Variants in MTMR3 observed in about 807,000 individuals in gnomAD.
MTMR3 encodes the protein myotubularin related protein 3.
MTMR3 carries 32 observed loss-of-function variants against 132.4 expected under a neutral mutation model. The ratio of observed to expected loss-of-function variants is 0.24; its 90% CI spans 0.18 to 0.32. The LOEUF is 0.32. Ranked by LOEUF, MTMR3 falls within the 10% of genes least tolerant of loss-of-function variation. MTMR3 has a pLI of 1.00. For missense variants in MTMR3, 1,216 were observed against 1,489.6 expected (o/e 0.82, Z 3.02); for synonymous variants, 556 against 550.3 (o/e 1.01, Z -0.14).
At chr22:29,982,196 G>T (rs112486725) in intron 5 of MTMR3, 1 of 125,164 alleles carries the variant, frequency 8.0e-6, no homozygotes, top group African/African-American at 3.1e-5. Context: ...GTGACAGAGC[G>T]AGACTCTGTC....
At chr22:29,947,550 AAAATGATGGTGTAAGAATTTTTT>A (rs2065977399) in intron 1 of MTMR3, among the ~76,000 whole-genome samples, 1 of 151,700 alleles carries the variant, frequency 6.6e-6, no homozygotes. Flanking sequence ...TGAGTTAAGT[AAAATGATGGTGTAAGAATTTTTT>A]AAATTCAAGG....
intron 1 of MTMR3, among the ~76,000 whole-genome samples, chr22:29,896,869 T>TCTCACA (rs145703649): frequency 0.08 from 11,041 of 138,162 alleles, 566 homozygotes; most frequent in Non-Finnish European, 0.12. Flanking sequence ...CAGGCTTGTC[T>TCTCACA]CACACACACA....
intron 1 of MTMR3, among the ~76,000 whole-genome samples, chr22:29,921,602 A>G (rs1404851934): frequency 2.6e-5 from 4 of 152,170 alleles, no homozygotes; most frequent in African/African-American, 9.7e-5. Flanking sequence ...TTTGTTGTGC[A>G]TTGGTTACCA....
At chr22:29,912,054 G>A (rs1174367382) in intron 1 of MTMR3, among the ~76,000 whole-genome samples, 1 of 152,106 alleles carries the variant, frequency 6.6e-6, no homozygotes, top group Non-Finnish European at 1.5e-5. Flanking sequence ...TCAGACAAGA[G>A]GAAATGAAGA....
chr22:29,939,780 C>A lies in MTMR3; in HGVS notation c.-137-17256C>A, dbSNP rs571319728. On this transcript the variant is annotated intron_variant, in intron 1 of 19. Transcript: ENST00000401950. ...ATAACTGTTAGTAATAAGAGTAGGA[C>A]TGTCAGGCCACTCTGCCCAGGCTAA... Among the ~76,000 whole-genome samples the A allele has an allele frequency of 5.9e-5, 9 of 152,218 alleles. No homozygotes were observed. The East Asian group carries it at 1.7e-3, about 29-fold the overall frequency.
chr22:29,945,717 A>G (rs2065939820), intron 1 of MTMR3, among the ~76,000 whole-genome samples: 1 of 120,802 alleles, frequency 8.3e-6, no homozygotes, highest in African/African-American at 3.4e-5. Context: ...AAAATGAAAA[A>G]GAAAAAAAAA....
chr22:29,903,390 C>CTTTTTTTTTTTTTTTT, intron 1 of MTMR3, among the ~76,000 whole-genome samples: 1 of 119,708 alleles, frequency 8.4e-6, no homozygotes. Context: ...CTTTTTCTTT[C>CTTTTTTTTTTTTTTTT]TTTTTTTTTT....
chr22:30,023,660 G>T, intron 19 of MTMR3: 3 of 716,184 alleles, frequency 4.2e-6, no homozygotes, highest in South Asian at 1.7e-5. Flanking sequence ...GCCATCGAGG[G>T]TGGGTCAGGC....
chr22:29,896,092 T>G (rs1221716183), intron 1 of MTMR3, among the ~76,000 whole-genome samples: 1 of 152,132 alleles, frequency 6.6e-6, no homozygotes, highest in Admixed American at 6.6e-5. Flanking sequence ...GGCAGATCAC[T>G]TGAGGCCAGG....
intron 1 of MTMR3, among the ~76,000 whole-genome samples, chr22:29,943,871 T>A (rs989199439): frequency 2.0e-5 from 3 of 148,298 alleles, no homozygotes; most frequent in Non-Finnish European, 4.5e-5. Context: ...TTGCCCAGGC[T>A]GGAGTGTAGT....
chr22:29,998,082 G>A (rs928860879), intron 7 of MTMR3: 1 of 152,182 alleles, frequency 6.6e-6, no homozygotes, highest in Non-Finnish European at 1.5e-5. Context: ...CAGTCTGAGT[G>A]TGGAAGTAGG....
At position 30,029,247 on chromosome 22, in the gene MTMR3, C is replaced by G. The variant is rs2067969683; in HGVS notation, c.*3446C>G. ...TTGAGCTGCCAGGTTGTCTTCATCTCAGAACTTTCCTATCCTGGCACTCTC... is the reference window on the plus strand; with the variant it reads ...TTGAGCTGCCAGGTTGTCTTCATCTGAGAACTTTCCTATCCTGGCACTCTC... On this transcript the variant is annotated 3_prime_UTR_variant, in exon 20 of 20. Transcript: ENST00000401950. 6.6e-6 allele frequency: 1 copy of G among 152,350 alleles called. No individual in the cohort carries two copies. The highest frequency in any genetic ancestry group is 2.4e-5 in the African/African-American group (1 of 41,452). 9.4% of individuals were successfully genotyped at this position (152,350 alleles called of 1,614,324 possible). A position where few individuals can be genotyped will look rare whatever the true frequency, so the allele number is the denominator to read the frequency against.
chr22:29,923,041 ATTTTT>A (rs36099310), intron 1 of MTMR3, among the ~76,000 whole-genome samples: 5 of 129,960 alleles, frequency 3.8e-5, no homozygotes, highest in African/African-American at 1.2e-4. Flanking sequence ...CATCCAGCCA[ATTTTT>A]TTTTTTTTTT....
At chr22:29,978,380 GA>G in intron 3 of MTMR3, 61 bp from the exon 4 acceptor site, 1 of 1,415,370 alleles carries the variant, frequency 7.1e-7, no homozygotes, top group Non-Finnish European at 9.8e-7. Context: ...AGATATGGCA[GA>G]AAAACCAAAT....
At position 30,029,977 on chromosome 22, in the gene MTMR3, C is replaced by T. The variant is rs1164245246; in HGVS notation, c.*4176C>T. ...AGCCTCTGACACTTAAACACGAGTCCTGCTGTCCCCAGCACACAACTGCAC... is the reference window on the plus strand; with the variant it reads ...AGCCTCTGACACTTAAACACGAGTCTTGCTGTCCCCAGCACACAACTGCAC... On this transcript the variant is annotated 3_prime_UTR_variant, in exon 20 of 20. Transcript: ENST00000401950. 2.0e-5 allele frequency: 3 copies of T among 152,280 alleles called. No individual in the cohort carries two copies. Among genetic ancestry groups the T allele is most frequent in the Non-Finnish European group, 4.4e-5 (3 of 68,030 alleles). 9.4% of individuals were successfully genotyped at this position (152,280 alleles called of 1,614,324 possible). A position where few individuals can be genotyped will look rare whatever the true frequency, so the allele number is the denominator to read the frequency against.
chr22:29,929,657 G>A (rs530646049), intron 1 of MTMR3, among the ~76,000 whole-genome samples: 2 of 151,798 alleles, frequency 1.3e-5, no homozygotes, highest in African/African-American at 4.8e-5. Flanking sequence ...CTACAGTTGC[G>A]TGCCACCATG....
chr22:29,884,687 C>T (rs1040585384), intron 1 of MTMR3, among the ~76,000 whole-genome samples: 2 of 151,076 alleles, frequency 1.3e-5, no homozygotes, highest in African/African-American at 4.9e-5. Flanking sequence ...CTCAGCCTCC[C>T]AAGTAGCTGG....
chr22:29,899,556 T>G (rs890187724), intron 1 of MTMR3: 3 of 152,210 alleles, frequency 2.0e-5, no homozygotes, highest in African/African-American at 7.2e-5. Context: ...TCATTGTTTT[T>G]GGATATTAAA....
intron 2 of MTMR3, among the ~76,000 whole-genome samples, chr22:29,957,892 A>G (rs2066231474): frequency 6.6e-6 from 1 of 152,080 alleles, no homozygotes. Flanking sequence ...ATTATAGTGT[A>G]TTGTTGCTTG....
Sources: allele counts gnomAD v4.1 joint callset (sites outside exome capture counted in the v4.1 genomes callset), GRCh38; gene constraint gnomAD v4.1.1; transcripts MANE v1.5; gene names NCBI Gene and HGNC (gene_info 2026-07-23, HGNC 2026-07-21).